The following TBC1D14 variants were observed in gnomAD, a reference collection of about 807,000 sequenced individuals.
The protein encoded by TBC1D14 is TBC1 domain family member 14, also known as TBC1 domain family, member 14.
TBC1D14 carries 26 observed loss-of-function variants against 79.0 expected under a neutral mutation model. The ratio of observed to expected loss-of-function variants is 0.33; its 90% CI spans 0.24 to 0.46. The LOEUF (loss-of-function observed/expected upper bound fraction) is 0.46, where lower values mean the gene tolerates loss of function less well. Among genes scored for constraint, TBC1D14 ranks in the 20% least tolerant of loss-of-function variants. The pLI, the probability that TBC1D14 is intolerant of heterozygous loss-of-function variation, is 1.00. For missense variants in TBC1D14, 769 were observed against 887.6 expected (o/e 0.87, Z 1.70); for synonymous variants, 394 against 349.9 (o/e 1.13, Z -1.40).
intron 3 of TBC1D14, among the ~76,000 whole-genome samples, chr4:6,988,141 C>T (rs970467391): frequency 1.3e-5 from 2 of 152,202 alleles, no homozygotes; most frequent in Non-Finnish European, 1.5e-5. Flanking sequence ...CAAAACAGCC[C>T]CTCCCAGATG....
Position 7,009,789 on chromosome 4 carries a change from G to C in TBC1D14, c.1447-88G>C, listed in dbSNP as rs372911677. On this transcript the variant is annotated intron_variant, in intron 9 of 13. Coordinates refer to ENST00000409757, the MANE Select transcript of TBC1D14 (RefSeq NM_020773.3). ...CATAATGCTGAAAATAGCAGGAGTG[G>C]CAGCGGCAGCAGTAGTAGTATCAGA... The C allele has an allele frequency of 3.9e-6, 5 of 1,280,730 alleles. No homozygotes were observed. The South Asian group carries it at 6.0e-5, about 15-fold the overall frequency. 79.3% of individuals were successfully genotyped at this position (1,280,730 alleles called of 1,614,324 possible). A position where few individuals can be genotyped will look rare whatever the true frequency, so the allele number is the denominator to read the frequency against.
intron 9 of TBC1D14, among the ~76,000 whole-genome samples, chr4:7,008,283 A>ATC (rs1720412497): frequency 6.6e-6 from 1 of 152,252 alleles, no homozygotes; most frequent in African/African-American, 2.4e-5. Flanking sequence ...CAATGTAGAG[A>ATC]TCTCTCAGCC....
intron 12 of TBC1D14, among the ~76,000 whole-genome samples, chr4:7,021,348 A>G (rs1170359065): frequency 1.3e-5 from 2 of 152,240 alleles, no homozygotes; most frequent in Non-Finnish European, 2.9e-5. Flanking sequence ...CTATAGTCCC[A>G]GCACTTTGAG....
At position 6,923,387 on chromosome 4, in the gene TBC1D14, A is replaced by G. The variant is rs1724015336; in HGVS notation, c.-3A>G. 2 of 1,588,682 alleles carry G rather than the reference A, an allele frequency of 1.3e-6. No homozygotes were observed. Among genetic ancestry groups the G allele is most frequent in the African/African-American group, 2.7e-5 (2 of 73,694 alleles). On this transcript the variant is annotated 5_prime_UTR_variant, in exon 2 of 14. Transcript: ENST00000409757. Reference sequence around the variant, plus strand: ...GTTTTTTCTAGTTTCTCCTTGGACCAAGATGACTGATGGAAAACTCTCCAC... The same window carrying G: ...GTTTTTTCTAGTTTCTCCTTGGACCGAGATGACTGATGGAAAACTCTCCAC...
At chr4:6,946,949 C>T (rs1713528146) in intron 2 of TBC1D14, among the ~76,000 whole-genome samples, 1 of 152,182 alleles carries the variant, frequency 6.6e-6, no homozygotes, top group South Asian at 2.1e-4. Context: ...TTAAGTCCTC[C>T]TCTCCTCTTT....
chr4:6,948,295 C>G (rs1713676916), intron 2 of TBC1D14, among the ~76,000 whole-genome samples: 1 of 152,226 alleles, frequency 6.6e-6, no homozygotes, highest in Non-Finnish European at 1.5e-5. Flanking sequence ...ACTGTTCTGA[C>G]TCTGTCACCA....
intron 3 of TBC1D14, among the ~76,000 whole-genome samples, chr4:6,972,730 C>G (rs1421411154): frequency 6.6e-6 from 1 of 152,148 alleles, no homozygotes; most frequent in Non-Finnish European, 1.5e-5. Context: ...AACTAAGAAC[C>G]CATGACTGTA....
intron 3 of TBC1D14, among the ~76,000 whole-genome samples, chr4:6,981,631 G>A (rs956256516): frequency 6.6e-6 from 1 of 152,194 alleles, no homozygotes; most frequent in Admixed American, 6.5e-5. Flanking sequence ...TCTCAACACA[G>A]TATTAACAAA....
chr4:6,987,193 G>A (rs1717932472), intron 3 of TBC1D14: 1 of 1,225,274 alleles, frequency 8.2e-7, no homozygotes, highest in African/African-American at 1.6e-5. Flanking sequence ...GTCTGCGCGC[G>A]ATTGAGCGGC....
At chr4:6,917,690 C>T (rs1408844593) in intron 1 of TBC1D14, among the ~76,000 whole-genome samples, 1 of 152,040 alleles carries the variant, frequency 6.6e-6, no homozygotes, top group Non-Finnish European at 1.5e-5. Flanking sequence ...GGAATTCAGG[C>T]TTAGTTTGTC....
rs940727762 is a variant in TBC1D14, at chr4:6,990,564, C to T, written c.844-3620C>T. ...TTGACGAGCACAGCAAGACGGGCAT[C>T]GATGCTTGGTTTAAACCAAGAGACT... On this transcript the variant is annotated intron_variant, in intron 3 of 13. Transcript: ENST00000409757. Among the ~76,000 whole-genome samples, 7 of 152,164 alleles carry T rather than the reference C, an allele frequency of 4.6e-5. No homozygotes were observed. The East Asian group carries it at 7.7e-4, about 17-fold the overall frequency.
chr4:6,930,140 G>A (rs1040871118), intron 2 of TBC1D14, among the ~76,000 whole-genome samples: 33 of 152,340 alleles, frequency 2.2e-4, no homozygotes, highest in African/African-American at 7.2e-4. Context: ...AAGGGAGGAA[G>A]CGAGCAGAGC....
intron 2 of TBC1D14, among the ~76,000 whole-genome samples, chr4:6,941,879 T>C (rs1209930542): frequency 6.6e-6 from 1 of 152,202 alleles, no homozygotes; most frequent in Non-Finnish European, 1.5e-5. Context: ...TTTAGGTCCT[T>C]TGCCAGCCCA....
intron 2 of TBC1D14, among the ~76,000 whole-genome samples, chr4:6,931,447 G>A (rs1353449458): frequency 6.6e-6 from 1 of 152,198 alleles, no homozygotes; most frequent in Non-Finnish European, 1.5e-5. Context: ...TTCAATTTGA[G>A]GTTGTGGTTC....
chr4:6,972,576 C>T (rs867846918), intron 3 of TBC1D14, among the ~76,000 whole-genome samples: 18 of 152,224 alleles, frequency 1.2e-4, no homozygotes, highest in African/African-American at 4.1e-4. Context: ...CCCTCTAGGG[C>T]AAGCTTGTCC....
At chr4:6,934,727 G>C (rs1712142756) in intron 2 of TBC1D14, among the ~76,000 whole-genome samples, 1 of 152,122 alleles carries the variant, frequency 6.6e-6, no homozygotes, top group Non-Finnish European at 1.5e-5. Flanking sequence ...AGTGACCTTT[G>C]AGCAGAGCTG....
intron 1 of TBC1D14, among the ~76,000 whole-genome samples, chr4:6,919,033 A>G (rs915366705): frequency 6.6e-6 from 1 of 152,150 alleles, no homozygotes; most frequent in African/African-American, 2.4e-5. Flanking sequence ...GCTGTGAAAC[A>G]CTGAAAACGT....
intron 8 of TBC1D14, 111 bp downstream of exon 8, chr4:7,005,035 A>C: frequency 1.0e-6 from 1 of 983,020 alleles, no homozygotes; most frequent in Non-Finnish European, 1.5e-6. Flanking sequence ...TTGTGGAGTC[A>C]TAAAAAGCTC....
intron 2 of TBC1D14, among the ~76,000 whole-genome samples, chr4:6,955,518 G>C (rs1299275744): frequency 6.6e-6 from 1 of 152,206 alleles, no homozygotes; most frequent in Non-Finnish European, 1.5e-5. Context: ...GAAAGTGGTG[G>C]CAAAGATTCC....
Sources: gnomAD v4.1 joint callset for allele counts (sites outside exome capture counted in the v4.1 genomes callset) on GRCh38, gnomAD v4.1.1 for gene constraint, MANE v1.5 for transcripts, NCBI Gene and HGNC (gene_info 2026-07-23, HGNC 2026-07-21) for gene names.